Variants in PARL observed in about 807,000 individuals in gnomAD.
The protein encoded by PARL is presenilin associated rhomboid like.
A neutral mutation model predicts 51.6 loss-of-function variants in PARL; 44 were observed. The observed-to-expected ratio is 0.85, with a 90% CI of 0.67 to 1.10. The LOEUF is 1.10. Ranked by LOEUF, PARL falls within the 50% of genes least tolerant of loss-of-function variation. The probability of loss-of-function intolerance (pLI) is 0.00; values close to 1 mark genes in which losing one functional copy is unlikely to be tolerated. For synonymous variants in PARL, 172 were observed against 164.0 expected, an observed-to-expected ratio of 1.05 and a Z score of -0.37; for missense variants, 441 against 469.5, an observed-to-expected ratio of 0.94 and a Z score of 0.56.
chr3:183,827,922 T>C (rs1276890960), downstream of PARL, among the ~76,000 whole-genome samples: 1 of 152,012 alleles, frequency 6.6e-6, no homozygotes, highest in African/African-American at 2.4e-5. Flanking sequence ...AGCCACGGCA[T>C]GTTCCTAGGT....
At chr3:183,850,222 G>C (rs552893426) in intron 4 of PARL, among the ~76,000 whole-genome samples, 65 of 152,270 alleles carry the variant, frequency 4.3e-4, no homozygotes, top group African/African-American at 1.5e-3. Flanking sequence ...AAGGTGTAAA[G>C]TGTCAGCAGG....
intron 5 of PARL, chr3:183,843,259 ACT>A: frequency 1.0e-6 from 1 of 985,120 alleles, no homozygotes; most frequent in Non-Finnish European, 1.2e-6. Context: ...ACCAATAAAA[ACT>A]CTCAGTTCAA....
At chr3:183,863,881 A>G (rs958725610) in intron 3 of PARL, among the ~76,000 whole-genome samples, 5 of 152,248 alleles carry the variant, frequency 3.3e-5, no homozygotes, top group Admixed American at 3.3e-4. Context: ...TAGGTTTTAT[A>G]CATTCAACTT....
At chr3:183,884,569 G>C (rs559697668) in intron 1 of PARL, among the ~76,000 whole-genome samples, 153 bp downstream of exon 1, 15 of 152,310 alleles carry the variant, frequency 9.8e-5, no homozygotes, top group African/African-American at 3.6e-4. Flanking sequence ...GCGAGGACTG[G>C]ACGGAGGCGA....
At chr3:183,877,214 C>T (rs757419421) in intron 1 of PARL, among the ~76,000 whole-genome samples, 2 of 151,440 alleles carry the variant, frequency 1.3e-5, no homozygotes, top group South Asian at 2.1e-4. Flanking sequence ...AACTCCATCT[C>T]GAAAAAAAAG....
At chr3:183,869,638 A>G (rs186627407) in intron 1 of PARL, among the ~76,000 whole-genome samples, 2 of 152,246 alleles carry the variant, frequency 1.3e-5, no homozygotes, top group Admixed American at 6.6e-5. Flanking sequence ...GAGGAATATC[A>G]TAACATATTA....
At chr3:183,858,938 A>T (rs1284124599) in intron 4 of PARL, among the ~76,000 whole-genome samples, 1 of 152,194 alleles carries the variant, frequency 6.6e-6, no homozygotes, top group Non-Finnish European at 1.5e-5. Flanking sequence ...AAACCAAAAA[A>T]AAAGGATTAA....
chr3:183,870,106 T>C (rs373714816), intron 1 of PARL, among the ~76,000 whole-genome samples: 2 of 148,148 alleles, frequency 1.3e-5, no homozygotes. Flanking sequence ...TGAAACCTCG[T>C]CTCCACTAAA....
At chr3:183,881,640 C>G (rs1734444768) in intron 1 of PARL, among the ~76,000 whole-genome samples, 1 of 152,286 alleles carries the variant, frequency 6.6e-6, no homozygotes, top group East Asian at 1.9e-4. Context: ...TACCTGTAGT[C>G]CTTGCTACCA....
At chr3:183,879,398 A>G (rs1175212906) in intron 1 of PARL, among the ~76,000 whole-genome samples, 1 of 152,228 alleles carries the variant, frequency 6.6e-6, no homozygotes, top group Non-Finnish European at 1.5e-5. Context: ...AAAAATATAT[A>G]GCCCCAAGAG....
At chr3:183,847,331 G>A (rs1730072915) in intron 4 of PARL, among the ~76,000 whole-genome samples, 1 of 152,204 alleles carries the variant, frequency 6.6e-6, no homozygotes, top group Non-Finnish European at 1.5e-5. Context: ...GGTCCAGGCA[G>A]GAGGATCCAT....
intron 1 of PARL, among the ~76,000 whole-genome samples, chr3:183,876,641 AAAAGAAAAAG>A (rs1288435847): frequency 1.1e-4 from 13 of 113,132 alleles, no homozygotes; most frequent in East Asian, 2.3e-4. Context: ...AAAAAAAAGA[AAAAGAAAAAG>A]AAAGAAAGAA....
chr3:183,851,389 T>C (rs1730529653), intron 4 of PARL, among the ~76,000 whole-genome samples: 1 of 152,146 alleles, frequency 6.6e-6, no homozygotes, highest in African/African-American at 2.4e-5. Flanking sequence ...GGAAAAATAT[T>C]TGTGAATCAT....
chr3:183,881,912 A>G (rs1734477238), intron 1 of PARL, among the ~76,000 whole-genome samples: 1 of 152,024 alleles, frequency 6.6e-6, no homozygotes, highest in African/African-American at 2.4e-5. Flanking sequence ...TTACTTAAAG[A>G]TATTTTGAGG....
At chr3:183,868,636 T>C (rs527279621) in intron 1 of PARL, among the ~76,000 whole-genome samples, 1 of 152,308 alleles carries the variant, frequency 6.6e-6, no homozygotes, top group African/African-American at 2.4e-5. Flanking sequence ...CTCAAACACT[T>C]GGGCTCACAC....
intron 4 of PARL, among the ~76,000 whole-genome samples, chr3:183,860,159 A>T (rs1206695046): frequency 1.3e-5 from 2 of 152,224 alleles, no homozygotes; most frequent in Admixed American, 1.3e-4. Context: ...TAAAACCAGA[A>T]GCTGAGCCAA....
chr3:183,844,575 T>A, intron 4 of PARL: 1 of 456,954 alleles, frequency 2.2e-6, no homozygotes, highest in South Asian at 2.6e-5. Context: ...TTTCCCTAGA[T>A]CCATATTTTA....
intron 9 of PARL, among the ~76,000 whole-genome samples, chr3:183,832,122 A>T (rs1206346638): frequency 6.6e-6 from 1 of 152,202 alleles, no homozygotes; most frequent in Non-Finnish European, 1.5e-5. Flanking sequence ...TGCATATACT[A>T]CATACTACTC....
intron 7 of PARL, among the ~76,000 whole-genome samples, chr3:183,836,584 A>G (rs1188997630): frequency 6.6e-6 from 1 of 152,236 alleles, no homozygotes; most frequent in African/African-American, 2.4e-5. Context: ...GCTCACATTC[A>G]TACACAGTTT....
Sources: gnomAD v4.1 joint callset for allele counts (sites outside exome capture counted in the v4.1 genomes callset) on GRCh38, gnomAD v4.1.1 for gene constraint, MANE v1.5 for transcripts, NCBI Gene and HGNC (gene_info 2026-07-23, HGNC 2026-07-21) for gene names.